TAS2R46: variants seen among roughly 807,000 people sequenced by gnomAD.
TAS2R46 encodes taste 2 receptor member 46, also known as taste receptor type 2 member 46.
For missense variants in TAS2R46, 361 were observed against 347.4 expected (o/e 1.04, Z -0.31); for synonymous variants, 123 against 121.8 (o/e 1.01, Z -0.07).
At position 11,062,166 on chromosome 12, in the gene TAS2R46, A is replaced by C; in HGVS notation, c.129T>G (p.Phe43Leu). 2 of 1,613,714 alleles carry C rather than the reference A, an allele frequency of 1.2e-6. No individual in the cohort carries two copies. Among genetic ancestry groups the C allele is most frequent in the Non-Finnish European group, 1.7e-6 (2 of 1,179,808 alleles). The part of the protein sequence containing the change: ...IEWFKRQKIS[F>L]ADQILTALAV... Reference sequence around the variant, plus strand: ...CCAGAGCAGTGAGAATTTGGTCAGCAAAAGAGATCTTTTGTCTCTTGAACC... The same window carrying C: ...CCAGAGCAGTGAGAATTTGGTCAGCCAAAGAGATCTTTTGTCTCTTGAACC... The change falls in exon 1 of 1, where the codon TTT (phenylalanine) becomes TTG (leucine). Residue 43 changes from phenylalanine (F) to leucine (L), a missense_variant. By Grantham distance (22) the Phe-to-Leu change is conservative. Transcript: ENST00000533467.
Position 11,062,017 on chromosome 12 carries a change from T to C in TAS2R46, c.278A>G (p.His93Arg), listed in dbSNP as rs1943628213. ...TAYNVWAVIN[H>R]FSNWLATSLS... ...GCTAGTAGCAAGCCAGTTGCTGAAA[T>C]GGTTGATTACTGCCCAGACATTGTA... is the stretch of plus-strand genomic sequence containing the variant. The change falls in exon 1 of 1, where the codon CAT becomes CGT. Residue 93 changes from histidine (H) to arginine (R), a missense_variant. By Grantham distance (29) the His-to-Arg change is conservative (BLOSUM62 0). Coordinates refer to ENST00000533467, the MANE Select transcript of TAS2R46 (RefSeq NM_176887.2). 2 of 1,613,790 alleles carry C rather than the reference T, an allele frequency of 1.2e-6. No homozygotes were observed. The highest frequency in any genetic ancestry group is 1.3e-5 in the African/African-American group (1 of 75,008).
Position 11,062,238 on chromosome 12 carries a change from A to G in TAS2R46, c.57T>C (p.Ile19=). The G allele has an allele frequency of 6.2e-7, 1 of 1,613,344 alleles. No homozygotes were observed. Among genetic ancestry groups the G allele is most frequent in the Non-Finnish European group, 8.5e-7 (1 of 1,179,544 alleles). ...CTATGAAGCCATTAGCAAAATTTCC[A>G]ATCACAAATGTAACCACTATTAGAA... ...FSILIVVTFV[I]GNFANGFIAL... Residue 19 remains isoleucine (I), a synonymous_variant, in exon 1 of 1, where the codon ATT becomes ATC. Transcript: ENST00000533467.
Position 11,061,751 on chromosome 12 carries a change from G to C in TAS2R46, c.544C>G (p.Leu182Val). ...MYLSNTTVTI[L>V]ANLVPFTLTL... ...AGAGTGAAGGGAACTAAGTTTGCTAGGATGGTTACCGTTGTATTTGAAAGG... is the reference window on the plus strand; with the variant it reads ...AGAGTGAAGGGAACTAAGTTTGCTACGATGGTTACCGTTGTATTTGAAAGG... Residue 182 changes from leucine (L) to valine (V), a missense_variant, in exon 1 of 1, where the codon CTA becomes GTA. By Grantham distance (32) the Leu-to-Val change is conservative (BLOSUM62 1). Coordinates refer to ENST00000533467, the MANE Select transcript of TAS2R46 (RefSeq NM_176887.2). 1 of 1,614,066 alleles carries C rather than the reference G, an allele frequency of 6.2e-7. No individual in the cohort carries two copies. Among genetic ancestry groups the C allele is most frequent in the South Asian group, 1.1e-5 (1 of 91,072 alleles).
chr12:11,062,118 G>C lies in TAS2R46; in HGVS notation c.177C>G (p.Leu59=), dbSNP rs1052724933. The C allele has an allele frequency of 6.2e-7, 1 of 1,613,658 alleles. No individual in the cohort carries two copies. Among genetic ancestry groups the C allele is most frequent in the Non-Finnish European group, 8.5e-7 (1 of 1,179,796 alleles). The change falls in exon 1 of 1, where the codon CTC becomes CTG. Residue 59 remains leucine, a synonymous_variant. Coordinates refer to ENST00000533467, the MANE Select transcript of TAS2R46 (RefSeq NM_176887.2). ...CATACCAATTTAATACTAATACCCA[G>C]AGTAAACCAACTCTGGAGACTGCCA... is the stretch of plus-strand genomic sequence containing the variant. The part of the protein sequence containing the change: ...TALAVSRVGL[L]WVLVLNWYAT...
chr12:11,062,059 T>G lies in TAS2R46; in HGVS notation c.236A>C (p.Glu79Ala). Residue 79 changes from glutamate to alanine, a missense_variant, in exon 1 of 1, where the codon GAA becomes GCA. Glu to Ala is a moderately radical substitution (Grantham distance 107). Transcript: ENST00000533467. ...GACATTGTAAGCAGTAATTCTTACT[T>G]CTATACTGTTAAAAGCTGGATTCAA... ...TELNPAFNSIEVRITAYNVWA... is the reference protein window; with the variant it reads ...TELNPAFNSIAVRITAYNVWA... 1 of 1,613,724 alleles carries G rather than the reference T, an allele frequency of 6.2e-7. No homozygotes were observed. The highest frequency in any genetic ancestry group is 8.5e-7 in the Non-Finnish European group (1 of 1,179,826).
Sources: gnomAD v4.1 joint callset for allele counts on GRCh38, gnomAD v4.1.1 for gene constraint, MANE v1.5 for transcripts, NCBI Gene and HGNC (gene_info 2026-07-23, HGNC 2026-07-21) for gene names.